MEIG1: variants seen among roughly 807,000 people sequenced by gnomAD.
MEIG1 encodes meiosis/spermiogenesis associated 1, also known as meiosis expressed gene 1 protein homolog.
In MEIG1, 12 loss-of-function variants were observed where a neutral mutation model predicts 11.3. The ratio of observed to expected loss-of-function variants is 1.07; its 90% confidence interval spans 0.68 to 1.73. The LOEUF is 1.73. MEIG1 is among the 40% of genes most tolerant of loss of function. The probability of loss-of-function intolerance (pLI) is 0.00; values close to 1 mark genes in which losing one functional copy is unlikely to be tolerated. For missense variants in MEIG1, 119 were observed against 104.9 expected, an observed-to-expected ratio of 1.13 and a Z score of -0.59; for synonymous variants, 41 against 33.2, an observed-to-expected ratio of 1.24 and a Z score of -0.81.
chr10:14,983,168 G>A (rs1004129392), intron 1 of MEIG1, among the ~76,000 whole-genome samples: 1 of 151,978 alleles, frequency 6.6e-6, no homozygotes, highest in Non-Finnish European at 1.5e-5. Flanking sequence ...CACCCACCCG[G>A]TGATATTGAT....
upstream of MEIG1, among the ~76,000 whole-genome samples, chr10:14,954,971 G>T (rs533477203): frequency 6.6e-6 from 1 of 152,058 alleles, no homozygotes; most frequent in Non-Finnish European, 1.5e-5. Context: ...TAGTTCTATC[G>T]CCCAGGCTGG....
chr10:14,961,986 G>T (rs926231486), intron 1 of MEIG1, among the ~76,000 whole-genome samples: 1 of 151,734 alleles, frequency 6.6e-6, no homozygotes, highest in Non-Finnish European at 1.5e-5. Flanking sequence ...TTTATTTTTT[G>T]TAGAGATAGG....
At chr10:14,977,621 T>A (rs7901622), downstream of MEIG1, among the ~76,000 whole-genome samples, 53,648 of 143,548 alleles carry the variant, frequency 0.37, 9,948 homozygotes, top group African/African-American at 0.52. Context: ...TATTTGTAAT[T>A]TCTTCAAGAG....
In MEIG1 at chr10:14,966,509, C is replaced by G. The variant is rs61730296; in HGVS notation, c.41C>G (p.Ala14Gly). The change falls in exon 2 of 3, where the codon GCC becomes GGC. Residue 14 changes from alanine (A) to glycine (G), a missense_variant. Ala to Gly is a moderately conservative substitution (Grantham distance 60, BLOSUM62 0). Transcript: ENST00000407572. The part of the protein sequence containing the change: ...SDVKPKSVSH[A>G]KKWSEEIENL... ...GTAAAACCAAAATCAGTAAGTCATG[C>G]CAAAAAATGGTCAGAAGAGATAGAA... 781 of 1,611,390 alleles carry G rather than the reference C, an allele frequency of 4.8e-4. 1 individual carries two copies. In the African/African-American group the frequency reaches 9.4e-3, roughly 19 times the overall value.
chr10:14,956,787 A>G (rs190691689), upstream of MEIG1, among the ~76,000 whole-genome samples: 124 of 152,212 alleles, frequency 8.1e-4, no homozygotes, highest in African/African-American at 2.9e-3. Flanking sequence ...AATGTGGCCC[A>G]TCCTGGTGGC....
chr10:14,968,892 A>T (rs1843118431), intron 2 of MEIG1, among the ~76,000 whole-genome samples: 2 of 152,072 alleles, frequency 1.3e-5, no homozygotes, highest in African/African-American at 4.8e-5. Flanking sequence ...CAGCCTGACC[A>T]ATATGGAGAA....
chr10:14,972,713 C>A lies in MEIG1; in HGVS notation c.*72C>A. 7.4e-7 allele frequency: 1 copy of A among 1,351,450 alleles called. No individual in the cohort carries two copies. 83.7% of individuals were successfully genotyped at this position (1,351,450 alleles called of 1,614,324 possible). ...ATTTCCTTCTACATCATGTGTTTGT[C>A]ATTTGATGAAATAATTCAAGATGCA... is the stretch of plus-strand genomic sequence containing the variant. On this transcript the variant is annotated 3_prime_UTR_variant, in exon 3 of 3. Transcript: ENST00000407572.
chr10:14,979,186 AG>A (rs1460641496), intron 1 of MEIG1, among the ~76,000 whole-genome samples: 1 of 151,556 alleles, frequency 6.6e-6, no homozygotes, highest in East Asian at 2.0e-4. Context: ...AATATCACAA[AG>A]GTTGTACACG....
At position 14,979,655 on chromosome 10, in the gene MEIG1, G is replaced by A. The variant is rs146677091; in HGVS notation, n.66+7035G>A. Among the ~76,000 whole-genome samples, 718 of 152,140 alleles carry A rather than the reference G, an allele frequency of 4.7e-3. 6 individuals are homozygous for A. Among genetic ancestry groups the A allele is most frequent in the African/African-American group, 0.017 (687 of 41,474 alleles). On this transcript the variant is annotated intron_variant and non_coding_transcript_variant, in intron 1 of 2. Coordinates refer to the MEIG1 transcript ENST00000467536. Reference sequence around the variant, plus strand: ...TGTTACTTGTAATGTCACATGGGGTGTACACCCTGGGATATTATTTCAAAT... The same window carrying A: ...TGTTACTTGTAATGTCACATGGGGTATACACCCTGGGATATTATTTCAAAT...
At chr10:14,980,107 G>A (rs1221488443) in intron 1 of MEIG1, among the ~76,000 whole-genome samples, 1 of 151,936 alleles carries the variant, frequency 6.6e-6, no homozygotes, top group Non-Finnish European at 1.5e-5. Flanking sequence ...CACCATGCCT[G>A]TTCACCTTGT....
intron 1 of MEIG1, among the ~76,000 whole-genome samples, chr10:14,980,810 G>A (rs937490072): frequency 5.3e-5 from 8 of 152,158 alleles, no homozygotes; most frequent in Admixed American, 1.3e-4. Context: ...CCCACTGAAA[G>A]GCAAAGAGCT....
At chr10:14,966,098 C>T (rs1433001100) in intron 1 of MEIG1, among the ~76,000 whole-genome samples, 1 of 112,434 alleles carries the variant, frequency 8.9e-6, no homozygotes, top group Non-Finnish European at 1.7e-5. Flanking sequence ...GAGTCTTGCT[C>T]TGTCACCCAG....
At chr10:14,980,351 A>G (rs1843251180) in intron 1 of MEIG1, among the ~76,000 whole-genome samples, 1 of 152,132 alleles carries the variant, frequency 6.6e-6, no homozygotes. Context: ...CTAATATCAC[A>G]GAGAGTGTAC....
downstream of MEIG1, among the ~76,000 whole-genome samples, chr10:14,975,512 G>A (rs1843200413): frequency 6.6e-6 from 1 of 152,026 alleles, no homozygotes; most frequent in African/African-American, 2.4e-5. Flanking sequence ...GTGTACTATT[G>A]TTGCTATTAT....
intron 2 of MEIG1, chr10:14,987,638 G>T (rs1843332439): frequency 4.1e-6 from 2 of 484,066 alleles, no homozygotes; most frequent in African/African-American, 4.0e-5. Flanking sequence ...GCTATACGAG[G>T]CTTTCTGTAC....
chr10:14,972,386 A>G, intron 2 of MEIG1, 127 bp from the exon 3 acceptor site: 1 of 1,237,672 alleles, frequency 8.1e-7, no homozygotes, highest in Non-Finnish European at 1.2e-6. Context: ...TTAAAAGCTC[A>G]AGCATTCTAA....
intron 1 of MEIG1, 42 bp from the exon 2 acceptor site, chr10:14,966,398 C>T (rs1356874061): frequency 2.2e-6 from 3 of 1,388,564 alleles, no homozygotes; most frequent in Non-Finnish European, 2.9e-6. Context: ...TCAAAATTGT[C>T]ACTATTACAT....
intron 2 of MEIG1, among the ~76,000 whole-genome samples, chr10:14,967,025 C>T (rs1306973257): frequency 6.6e-6 from 1 of 152,154 alleles, no homozygotes; most frequent in Non-Finnish European, 1.5e-5. Flanking sequence ...ATAGCCAGGA[C>T]GCCCAGCCAG....
At chr10:14,958,365 A>G (rs1037083631), upstream of MEIG1, among the ~76,000 whole-genome samples, 1 of 152,148 alleles carries the variant, frequency 6.6e-6, no homozygotes, top group African/African-American at 2.4e-5. Context: ...TTTATTTAGA[A>G]GTTTATATAA....
Sources: gnomAD v4.1 joint callset for allele counts (sites outside exome capture counted in the v4.1 genomes callset) on GRCh38, gnomAD v4.1.1 for gene constraint, MANE v1.5 for transcripts, NCBI Gene and HGNC (gene_info 2026-07-23, HGNC 2026-07-21) for gene names.